The following ESYT2 variants were observed in gnomAD, a reference collection of about 807,000 sequenced individuals.
The protein encoded by ESYT2 is extended synaptotagmin 2.
In ESYT2, 54 loss-of-function variants were observed where a neutral mutation model predicts 107.2. The observed-to-expected ratio is 0.50, with a 90% CI of 0.40 to 0.63. The LOEUF is 0.63. Ranked by LOEUF, ESYT2 falls within the 30% of genes least tolerant of loss-of-function variation. ESYT2 has a pLI of 0.00. For missense variants in ESYT2, 1,020 were observed against 1,094.5 expected, an observed-to-expected ratio of 0.93 and a Z score of 0.96; for synonymous variants, 491 against 434.1, an observed-to-expected ratio of 1.13 and a Z score of -1.63.
chr7:158,762,126 G>T (rs921662399), intron 10 of ESYT2, among the ~76,000 whole-genome samples: 1 of 151,666 alleles, frequency 6.6e-6, no homozygotes, highest in Non-Finnish European at 1.5e-5. Flanking sequence ...TAAACCTCCC[G>T]TACTTCCAAG....
intron 4 of ESYT2, among the ~76,000 whole-genome samples, chr7:158,792,392 G>C (rs1325654661): frequency 2.6e-5 from 4 of 151,472 alleles, no homozygotes; most frequent in African/African-American, 9.7e-5. Context: ...GCCACACGTG[G>C]TGGCATGCAC....
chr7:158,789,394 T>C (rs1156528516), intron 4 of ESYT2, among the ~76,000 whole-genome samples: 1 of 149,692 alleles, frequency 6.7e-6, no homozygotes, highest in Non-Finnish European at 1.5e-5. Flanking sequence ...TCTCGCTCTG[T>C]TGCCGAGGCT....
chr7:158,809,820 T>A (rs1839945222), intron 1 of ESYT2, among the ~76,000 whole-genome samples: 1 of 152,156 alleles, frequency 6.6e-6, no homozygotes, highest in Admixed American at 6.5e-5. Flanking sequence ...TCAAACCACA[T>A]CCAAATAAGG....
chr7:158,742,348 C>T (rs947766838), intron 17 of ESYT2, among the ~76,000 whole-genome samples: 1 of 152,230 alleles, frequency 6.6e-6, no homozygotes, highest in Non-Finnish European at 1.5e-5. Flanking sequence ...GAAGCTCCTC[C>T]ATCCTCCCCA....
chr7:158,741,997 A>G (rs906376809), intron 17 of ESYT2, 101 bp from the exon 18 acceptor site: 2 of 1,408,684 alleles, frequency 1.4e-6, no homozygotes, highest in African/African-American at 3.1e-5. Flanking sequence ...ATTTCTTTAA[A>G]ACTTAGCTCA....
At chr7:158,792,625 ATTTC>A (rs1322493782) in intron 4 of ESYT2, among the ~76,000 whole-genome samples, 3 of 151,450 alleles carry the variant, frequency 2.0e-5, no homozygotes, top group Admixed American at 6.6e-5. Flanking sequence ...GGTGCCCTTT[ATTTC>A]TTTCTCTTGC....
At chr7:158,745,685 G>A (rs940117744) in intron 16 of ESYT2, among the ~76,000 whole-genome samples, 1 of 141,582 alleles carries the variant, frequency 7.1e-6, no homozygotes, top group Non-Finnish European at 1.5e-5. Context: ...ATCAATAATA[G>A]AAAGATTAAA....
At chr7:158,803,949 T>C (rs367673166) in intron 1 of ESYT2, among the ~76,000 whole-genome samples, 79 of 1,456 alleles carry the variant, frequency 0.054, no homozygotes, top group Admixed American at 0.082. Flanking sequence ...ACCCAAACCG[T>C]CGAGAAGGGT....
intron 9 of ESYT2, 75 bp downstream of exon 9, chr7:158,764,602 C>T (rs1838085334): frequency 2.0e-6 from 3 of 1,483,892 alleles, no homozygotes; most frequent in Non-Finnish European, 2.8e-6. Flanking sequence ...CGTGACTGTG[C>T]TGGAATGAGA....
At chr7:158,750,933 C>G (rs842434) in intron 14 of ESYT2, among the ~76,000 whole-genome samples, 143,529 of 152,286 alleles carry the variant, frequency 0.94, 67,695 homozygotes, top group Middle Eastern at 0.96. Context: ...TTTAGAGGGA[C>G]ATCACCTACT....
chr7:158,785,599 TTTAA>T, intron 6 of ESYT2, among the ~76,000 whole-genome samples: 1 of 152,298 alleles, frequency 6.6e-6, no homozygotes, highest in Non-Finnish European at 1.5e-5. Context: ...AATTTTCAGA[TTTAA>T]TTGTGTGAGG....
At chr7:158,749,862 T>A in intron 14 of ESYT2, 139 bp from the exon 15 acceptor site, 1 of 760,018 alleles carries the variant, frequency 1.3e-6, no homozygotes, top group Non-Finnish European at 2.1e-6. Flanking sequence ...GGGAACAATT[T>A]AATGGGAAAA....
At chr7:158,745,813 C>T (rs186250673) in intron 16 of ESYT2, among the ~76,000 whole-genome samples, 22 of 152,234 alleles carry the variant, frequency 1.4e-4, no homozygotes, top group African/African-American at 5.1e-4. Flanking sequence ...GAGACATCAA[C>T]GACAAGTCAA....
chr7:158,779,611 A>G (rs1467704034), intron 6 of ESYT2, among the ~76,000 whole-genome samples: 1 of 152,068 alleles, frequency 6.6e-6, no homozygotes, highest in African/African-American at 2.4e-5. Context: ...TCATCTTTTC[A>G]CTGGACCCAC....
At chr7:158,777,929 G>A (rs939838643) in intron 6 of ESYT2, among the ~76,000 whole-genome samples, 1 of 152,296 alleles carries the variant, frequency 6.6e-6, no homozygotes, top group Admixed American at 6.5e-5. Context: ...CATGCTGTTC[G>A]CTTCACAGCA....
chr7:158,768,659 C>T (rs1028633923), intron 7 of ESYT2, among the ~76,000 whole-genome samples: 1 of 152,072 alleles, frequency 6.6e-6, no homozygotes, highest in Admixed American at 6.5e-5. Flanking sequence ...CTCAGGTGAC[C>T]CACCCACCTT....
At chr7:158,762,865 TAGAC>T (rs562648875) in intron 10 of ESYT2, among the ~76,000 whole-genome samples, 155 of 152,370 alleles carry the variant, frequency 1.0e-3, no homozygotes, top group Non-Finnish European at 1.8e-3. Flanking sequence ...CCTGCTGTAA[TAGAC>T]AGCACAGATC....
At chr7:158,750,744 A>G (rs1039869062) in intron 14 of ESYT2, among the ~76,000 whole-genome samples, 5 of 152,178 alleles carry the variant, frequency 3.3e-5, no homozygotes, top group African/African-American at 1.2e-4. Context: ...TTCCTTTAAT[A>G]TTAGATTCCC....
chr7:158,767,565 CAA>C, intron 8 of ESYT2, 87 bp downstream of exon 8: 3 of 1,523,938 alleles, frequency 2.0e-6, no homozygotes, highest in South Asian at 1.3e-5. Context: ...TGGGGAGAGA[CAA>C]AGAGTCACAG....
Sources: gnomAD v4.1 joint callset for allele counts (sites outside exome capture counted in the v4.1 genomes callset) on GRCh38, gnomAD v4.1.1 for gene constraint, MANE v1.5 for transcripts, NCBI Gene and HGNC (gene_info 2026-07-23, HGNC 2026-07-21) for gene names.